The following FGR variants were observed in gnomAD, a reference collection of about 807,000 sequenced individuals.
FGR encodes the protein FGR proto-oncogene, Src family tyrosine kinase, also known as tyrosine-protein kinase Fgr.
FGR carries 26 observed loss-of-function variants against 63.2 expected under a neutral mutation model. The ratio of observed to expected loss-of-function variants is 0.41; its 90% CI spans 0.30 to 0.57. The LOEUF (loss-of-function observed/expected upper bound fraction) is 0.57, where lower values mean the gene tolerates loss of function less well. FGR is among the 20% of genes least tolerant of loss of function. The pLI is 0.27. For missense variants in FGR, 511 were observed against 690.8 expected (o/e 0.74, Z 2.92); for synonymous variants, 286 against 277.7 (o/e 1.03, Z -0.30).
Position 27,614,935 on chromosome 1 carries a change from A to C in FGR, c.1019-9T>G. On this transcript the variant is annotated splice_polypyrimidine_tract_variant and intron_variant, in intron 9 of 12. Transcript: ENST00000374005. ...AAAATCCAGCAAGCTGCCTGGGAAG[A>C]AGCCAGAAAGTCAGCGGCAAAGCCC... is the stretch of plus-strand genomic sequence containing the variant. The C allele has an allele frequency of 6.3e-7, 1 of 1,592,322 alleles. No homozygotes were observed. Among genetic ancestry groups the C allele is most frequent in the Non-Finnish European group, 8.6e-7 (1 of 1,167,634 alleles).
Position 27,635,160 on chromosome 1 carries a change from T to C in FGR, c.-172A>G, listed in dbSNP as rs1047608971. 6.6e-6 allele frequency: 1 copy of C among 152,272 alleles called. No homozygotes were observed. Among genetic ancestry groups the C allele is most frequent in the Non-Finnish European group, 1.5e-5 (1 of 68,094 alleles). The allele number at this position is 152,272 out of a possible 1,614,324, so 9.4% of individuals were successfully genotyped here. On this transcript the variant is annotated 5_prime_UTR_variant, in exon 1 of 13. Transcript: ENST00000374005. ...GGGGAGAACTGGGGTGCTGCCCGCC[T>C]CTGACCGCCGCCCCTGCTGGGCAGG...
chr1:27,624,154 T>C (rs2089979769), intron 2 of FGR: 4 of 497,324 alleles, frequency 8.0e-6, no homozygotes, highest in Non-Finnish European at 1.1e-5. Flanking sequence ...TCCCATTGGC[T>C]CATGTCTATA....
intron 1 of FGR, among the ~76,000 whole-genome samples, chr1:27,632,475 G>A (rs1477545128): frequency 2.0e-5 from 3 of 152,062 alleles, no homozygotes; most frequent in East Asian, 3.9e-4. Flanking sequence ...ATCCTTTCTT[G>A]AGGCCTCGAA....
At chr1:27,633,445 A>G (rs1571412363) in intron 1 of FGR, among the ~76,000 whole-genome samples, 1 of 151,840 alleles carries the variant, frequency 6.6e-6, no homozygotes, top group African/African-American at 2.4e-5. Context: ...ACAGATTTTA[A>G]CTCTGCTGAC....
chr1:27,625,901 T>G lies in FGR; in HGVS notation c.-76-750A>C, dbSNP rs1557737610. The G allele has an allele frequency of 1.6e-5, 6 of 377,082 alleles. No homozygotes were observed. The Middle Eastern group carries it at 2.0e-3, about 128-fold the overall frequency. 23.4% of individuals were successfully genotyped at this position (377,082 alleles called of 1,614,324 possible). On this transcript the variant is annotated intron_variant, in intron 1 of 12. Transcript: ENST00000374005. Reference sequence around the variant, plus strand: ...TTGCAGTGAGCCGAGATCGCACCACTGCACTCCAGCCCGGGTGACAGAGCA... The same window carrying G: ...TTGCAGTGAGCCGAGATCGCACCACGGCACTCCAGCCCGGGTGACAGAGCA...
chr1:27,616,545 A>G lies in FGR; in HGVS notation c.682+312T>C, dbSNP rs939683586. Among the ~76,000 whole-genome samples the G allele has an allele frequency of 5.3e-5, 8 of 152,236 alleles. No individual in the cohort carries two copies. Among genetic ancestry groups the G allele is most frequent in the African/African-American group, 1.9e-4 (8 of 41,460 alleles). ...TGATGATGGCTCCCTGTCTGCCCACAGGGCAGTCCTGGTGCCTTGGTGGGG... is the reference window on the plus strand; with the variant it reads ...TGATGATGGCTCCCTGTCTGCCCACGGGGCAGTCCTGGTGCCTTGGTGGGG... On this transcript the variant is annotated intron_variant, in intron 7 of 12. Coordinates refer to ENST00000374005, the MANE Select transcript of FGR (RefSeq NM_005248.3). The surrounding 1 kb of genome is among the most constrained non-coding windows in gnomAD (Gnocchi z 4.3).
Position 27,613,108 on chromosome 1 carries a change from C to G in FGR, c.1396G>C (p.Glu466Gln), listed in dbSNP as rs779572041. 3 of 1,614,070 alleles carry G rather than the reference C, an allele frequency of 1.9e-6. No homozygotes were observed. The East Asian group carries it at 6.7e-5, about 36-fold the overall frequency. ...RIPYPGMNKR[E>Q]VLEQVEQGYH... is the part of the protein sequence containing the mutation. ...CCCTGCTCCACCTGTTCCAACACTT[C>G]CCGTTTATTCATGCCTGAAGGATGG... Residue 466 changes from glutamate to glutamine, a missense_variant, in exon 13 of 13, where the codon GAA becomes CAA. By Grantham distance (29) the Glu-to-Gln change is conservative. Coordinates refer to ENST00000374005, the MANE Select transcript of FGR (RefSeq NM_005248.3).
At chr1:27,624,283 T>A (rs1275239410) in intron 2 of FGR, among the ~76,000 whole-genome samples, 1 of 152,256 alleles carries the variant, frequency 6.6e-6, no homozygotes, top group Admixed American at 6.5e-5. Context: ...TTGCCCAGGC[T>A]GGAGTGCAGT....
rs1158129795 is a variant in FGR, at chr1:27,612,530, T to C, written c.*384A>G. ...GGGTAGAAGGGAAATTCTTGGCACC[T>C]GGACTAGAGTGAGATAAAAGGAGAG... On this transcript the variant is annotated 3_prime_UTR_variant, in exon 13 of 13. Coordinates refer to ENST00000374005, the MANE Select transcript of FGR (RefSeq NM_005248.3). 1.1e-5 allele frequency: 2 copies of C among 177,372 alleles called. No homozygotes were observed. Among genetic ancestry groups the C allele is most frequent in the East Asian group, 3.1e-4 (2 of 6,408 alleles). The allele number at this position is 177,372 out of a possible 1,614,324, so 11.0% of individuals were successfully genotyped here.
At position 27,623,077 on chromosome 1, in the gene FGR, G is replaced by A; in HGVS notation, c.294C>T (p.Phe98=). The change falls in exon 4 of 13, where the codon TTC becomes TTT. Residue 98 remains phenylalanine, a synonymous_variant. Transcript: ENST00000374005. The part of the protein sequence containing the change: ...YEARTEDDLT[F]TKGEKFHILN... Reference sequence around the variant, plus strand: ...GGATGTGGAACTTCTCGCCCTTGGTGAAGGTGAGGTCATCCTCAGTTCGAG... The same window carrying A: ...GGATGTGGAACTTCTCGCCCTTGGTAAAGGTGAGGTCATCCTCAGTTCGAG... 1 of 1,614,152 alleles carries A rather than the reference G, an allele frequency of 6.2e-7. No homozygotes were observed. Among genetic ancestry groups the A allele is most frequent in the Non-Finnish European group, 8.5e-7 (1 of 1,179,964 alleles).
chr1:27,613,265 C>G lies in FGR; in HGVS notation c.1335G>C (p.Gly445=). Residue 445 remains glycine, a synonymous_variant, in exon 12 of 13, where the codon GGG becomes GGC. Coordinates refer to ENST00000374005, the MANE Select transcript of FGR (RefSeq NM_005248.3). ...FTIKSDVWSF[G]ILLTELITKG... ...TGGTGATGAGCTCAGTGAGCAGGATCCCAAAGGACCACACGTCTGACTTGA... is the reference window on the plus strand; with the variant it reads ...TGGTGATGAGCTCAGTGAGCAGGATGCCAAAGGACCACACGTCTGACTTGA... 6.2e-7 allele frequency: 1 copy of G among 1,614,182 alleles called. No individual in the cohort carries two copies. Among genetic ancestry groups the G allele is most frequent in the Non-Finnish European group, 8.5e-7 (1 of 1,180,034 alleles).
At chr1:27,622,370 A>C (rs1334432972) in intron 4 of FGR, among the ~76,000 whole-genome samples, 1 of 151,510 alleles carries the variant, frequency 6.6e-6, no homozygotes, top group Non-Finnish European at 1.5e-5. Context: ...TCTGCATCCC[A>C]TATTTTATGA....
In FGR at chr1:27,623,751, A is replaced by G. The variant is rs764218601; in HGVS notation, c.166T>C (p.Phe56Leu). Residue 56 changes from phenylalanine (F) to leucine (L), a missense_variant, in exon 3 of 13, where the codon TTC (phenylalanine) becomes CTC (leucine). Transcript: ENST00000374005. ...CCAGGGTTGATGGCCTGAGAGGAGA[A>G]GTTGCTGTAGTTGGGGATGTGGGCA... ...SFAHIPNYSN[F>L]SSQAINPGFL... 6.2e-7 allele frequency: 1 copy of G among 1,614,188 alleles called. No individual in the cohort carries two copies. Among genetic ancestry groups the G allele is most frequent in the South Asian group, 1.1e-5 (1 of 91,088 alleles).
In FGR at chr1:27,616,909, G is replaced by A. The variant is rs1018441058; in HGVS notation, c.630C>T (p.Ile210=). 3 of 1,614,204 alleles carry A rather than the reference G, an allele frequency of 1.9e-6. No individual in the cohort carries two copies. The highest frequency in any genetic ancestry group is 1.7e-6 in the Non-Finnish European group (2 of 1,180,038). ...CCGAGTTGAACTGAACCCGTGTGGT[G>A]ATGTAGTAGCCGCCCATGTCCAGTT... The part of the protein sequence containing the change: ...IRKLDMGGYY[I]TTRVQFNSVQ... Residue 210 remains isoleucine, a synonymous_variant, in exon 7 of 13, where the codon ATC becomes ATT. Coordinates refer to ENST00000374005, the MANE Select transcript of FGR (RefSeq NM_005248.3). This position sits in a 1 kb window ranked among gnomAD's most constrained non-coding sequence, Gnocchi z 4.3.
Position 27,615,500 on chromosome 1 carries a change from G to A in FGR, c.952C>T (p.Leu318=). 1 of 1,613,798 alleles carries A rather than the reference G, an allele frequency of 6.2e-7. No individual in the cohort carries two copies. The highest frequency in any genetic ancestry group is 1.3e-5 in the African/African-American group (1 of 75,046). Residue 318 remains leucine, a synonymous_variant, in exon 9 of 13, where the codon CTG becomes TTG. Coordinates refer to ENST00000374005, the MANE Select transcript of FGR (RefSeq NM_005248.3). This position sits in a 1 kb window ranked among gnomAD's most constrained non-coding sequence, Gnocchi z 7.6. ...QVMKLLRHDK[L]VQLYAVVSEE... is the part of the protein sequence containing the mutation. ...GACACCACGGCGTACAGCTGCACCA[G>A]CTTGTCGTGCCGCAGCAGCTTCATG...
At position 27,617,402 on chromosome 1, in the gene FGR, A is replaced by C; in HGVS notation, c.429-106T>G. 1.3e-6 allele frequency: 1 copy of C among 776,960 alleles called. No homozygotes were observed. Among genetic ancestry groups the C allele is most frequent in the Non-Finnish European group, 2.2e-6 (1 of 451,710 alleles). The allele number at this position is 776,960 out of a possible 1,614,324, so 48.1% of individuals were successfully genotyped here. A position where few individuals can be genotyped will look rare whatever the true frequency, so the allele number is the denominator to read the frequency against. On this transcript the variant is annotated intron_variant, in intron 5 of 12. Transcript: ENST00000374005. This position sits in a 1 kb window ranked among gnomAD's most constrained non-coding sequence, Gnocchi z 4.5. ...AAGACTCCATTTTCCCCATGTGTAA[A>C]ATGGGGCTGGTACACCTGCTTCACA...
intron 1 of FGR, among the ~76,000 whole-genome samples, chr1:27,633,815 G>C (rs927653641): frequency 6.6e-6 from 1 of 152,154 alleles, no homozygotes; most frequent in African/African-American, 2.4e-5. Context: ...GGGGAGGCTC[G>C]CTGAGTCAGG....
At chr1:27,613,188 C>G in intron 12 of FGR, 31 bp downstream of exon 12, 1 of 1,610,564 alleles carries the variant, frequency 6.2e-7, no homozygotes, top group South Asian at 1.1e-5. Flanking sequence ...TGACCATCCC[C>G]CACCCCAGCC....
rs116175952 is a variant in FGR at position 27,634,335 on chromosome 1, C to T, written c.-77+730G>A. Among the ~76,000 whole-genome samples the T allele has an allele frequency of 2.0e-3, 299 of 152,268 alleles. 5 individuals are homozygous for T. The highest frequency in any genetic ancestry group is 6.9e-3 in the African/African-American group (286 of 41,562). On this transcript the variant is annotated intron_variant, in intron 1 of 12. Transcript: ENST00000374005. ...GAGGGGGCGCCCGGAGAGGCCTGTC[C>T]CTGCCGAGGGCGGGGACTTCCCCAG...
Sources: gnomAD v4.1 joint callset for allele counts (sites outside exome capture counted in the v4.1 genomes callset) on GRCh38, gnomAD v4.1.1 for gene constraint, Gnocchi (gnomAD v3.1) non-coding constraint, MANE v1.5 for transcripts, NCBI Gene and HGNC (gene_info 2026-07-23, HGNC 2026-07-21) for gene names.